CADPS2: variants seen among roughly 807,000 people sequenced by gnomAD.
The protein encoded by CADPS2 is calcium dependent secretion activator 2, also known as calcium-dependent secretion activator 2.
A neutral mutation model predicts 172.5 loss-of-function variants in CADPS2; 93 were observed. That is an observed-to-expected ratio of 0.54 (90% CI 0.46 to 0.64). The LOEUF is 0.64. Among genes scored for constraint, CADPS2 ranks in the 30% least tolerant of loss-of-function variants. CADPS2 has a pLI of 0.00. For synonymous variants in CADPS2, 546 were observed against 555.2 expected, an observed-to-expected ratio of 0.98 and a Z score of 0.23; for missense variants, 1,420 against 1,565.9, an observed-to-expected ratio of 0.91 and a Z score of 1.57.
chr7:122,535,159 G>C (rs1011394018), intron 8 of CADPS2, among the ~76,000 whole-genome samples: 1 of 152,046 alleles, frequency 6.6e-6, no homozygotes, highest in African/African-American at 2.4e-5. Flanking sequence ...AACTGACAGT[G>C]ATCACTTAAA....
intron 1 of CADPS2, among the ~76,000 whole-genome samples, chr7:122,848,701 T>G (rs760880506): frequency 6.6e-6 from 1 of 152,236 alleles, no homozygotes; most frequent in Non-Finnish European, 1.5e-5. Flanking sequence ...AATAAGTATT[T>G]CCATGTTAAT....
chr7:122,791,388 A>G (rs1240866823), intron 1 of CADPS2, among the ~76,000 whole-genome samples: 1 of 151,992 alleles, frequency 6.6e-6, no homozygotes, highest in African/African-American at 2.4e-5. Flanking sequence ...AAATATTCTA[A>G]TCTTCCATGG....
intron 1 of CADPS2, among the ~76,000 whole-genome samples, chr7:122,814,399 A>G (rs979132073): frequency 1.3e-5 from 2 of 152,244 alleles, no homozygotes; most frequent in South Asian, 2.1e-4. Flanking sequence ...CACTAGATCC[A>G]TAACATGGTT....
At chr7:122,404,384 G>T (rs541617535) in intron 20 of CADPS2, among the ~76,000 whole-genome samples, 151 of 152,246 alleles carry the variant, frequency 9.9e-4, no homozygotes, top group Non-Finnish European at 1.7e-3. Context: ...TCTTAATCCA[G>T]TCTATCATTG....
At chr7:122,681,584 A>C (rs556069876) in intron 2 of CADPS2, 1 of 1,493,258 alleles carries the variant, frequency 6.7e-7, no homozygotes, top group African/African-American at 1.4e-5. Flanking sequence ...GATCTCGTGA[A>C]GCCCGCAAGG....
chr7:122,529,848 C>G (rs1030319004), intron 8 of CADPS2, among the ~76,000 whole-genome samples: 1 of 152,030 alleles, frequency 6.6e-6, no homozygotes, highest in Non-Finnish European at 1.5e-5. Context: ...CAGGGAGATA[C>G]ATAAATAATT....
intron 8 of CADPS2, among the ~76,000 whole-genome samples, chr7:122,530,948 C>T (rs2061700676): frequency 2.0e-5 from 3 of 152,124 alleles, no homozygotes; most frequent in Admixed American, 6.5e-5. Context: ...AAAGTGTTCA[C>T]ATGTATAGAA....
At chr7:122,762,925 T>C (rs192976953) in intron 1 of CADPS2, among the ~76,000 whole-genome samples, 74 of 152,124 alleles carry the variant, frequency 4.9e-4, no homozygotes, top group East Asian at 3.5e-3. Context: ...TAGGAGGTCA[T>C]TGGGAACAGG....
rs2080168845 is a variant in CADPS2 at position 122,658,937 on chromosome 7, T to A, written c.786+4300A>T. On this transcript the variant is annotated intron_variant, in intron 3 of 29. Coordinates refer to ENST00000449022, the MANE Select transcript of CADPS2 (RefSeq NM_017954.11). The stretch of plus-strand genomic sequence containing the variant: ...AATATGTAAAAAAAAAAGTTTCTCG[T>A]ACTTATGGCTACAAGAAACACTAAA... 2.0e-5 allele frequency among the ~76,000 whole-genome samples: 3 copies of A among 152,086 alleles called. No homozygotes were observed. The South Asian group carries it at 6.2e-4, about 32-fold the overall frequency.
chr7:122,348,493 A>C (rs2151006933), intron 27 of CADPS2, among the ~76,000 whole-genome samples: 1 of 152,312 alleles, frequency 6.6e-6, no homozygotes, highest in Non-Finnish European at 1.5e-5. Context: ...GATACACTTG[A>C]TTGTTGTAAA....
intron 2 of CADPS2, among the ~76,000 whole-genome samples, chr7:122,721,496 T>C (rs913996044): frequency 1.3e-5 from 2 of 151,976 alleles, no homozygotes; most frequent in Admixed American, 6.6e-5. Context: ...CAGGAAGAAG[T>C]TGAATCTCTG....
chr7:122,385,614 G>A lies in CADPS2; in HGVS notation c.3312+1412C>T, dbSNP rs150035878. 2.7e-3 allele frequency among the ~76,000 whole-genome samples: 418 copies of A among 152,110 alleles called. 4 individuals carry two copies. Among genetic ancestry groups the A allele is most frequent in the African/African-American group, 9.6e-3 (397 of 41,516 alleles). Reference sequence around the variant, plus strand: ...ACTAGTCAATCCTTTACGCATAAAGGTTTTCTAACCTTGTACCTCAGGGAT... The same window carrying A: ...ACTAGTCAATCCTTTACGCATAAAGATTTTCTAACCTTGTACCTCAGGGAT... On this transcript the variant is annotated intron_variant, in intron 24 of 29. Coordinates refer to ENST00000449022, the MANE Select transcript of CADPS2 (RefSeq NM_017954.11).
chr7:122,437,255 C>T (rs1385462915), intron 17 of CADPS2, among the ~76,000 whole-genome samples: 1 of 152,002 alleles, frequency 6.6e-6, no homozygotes, highest in Non-Finnish European at 1.5e-5. Flanking sequence ...AAGGAGGTTT[C>T]ATGTTGTTAC....
chr7:122,645,205 T>C lies in CADPS2; in HGVS notation c.787-15877A>G, dbSNP rs572134213. 1.2e-3 allele frequency among the ~76,000 whole-genome samples: 158 copies of C among 135,886 alleles called. 3 individuals are homozygous for C. In the South Asian group the frequency reaches 0.036, roughly 31 times the overall value. 89.1% of individuals were successfully genotyped at this position (135,886 alleles called of 152,430 possible). A position where few individuals can be genotyped will look rare whatever the true frequency, so the allele number is the denominator to read the frequency against. ...AAGTATATATATACACATATATGTA[T>C]ATACATAAGTATATATATACGCTAA... On this transcript the variant is annotated intron_variant, in intron 3 of 29. Coordinates refer to ENST00000449022, the MANE Select transcript of CADPS2 (RefSeq NM_017954.11).
intron 20 of CADPS2, among the ~76,000 whole-genome samples, chr7:122,401,879 A>G (rs1365883102): frequency 6.6e-6 from 1 of 152,062 alleles, no homozygotes; most frequent in Non-Finnish European, 1.5e-5. Context: ...GACAGTTGCT[A>G]AAATTGTGGT....
chr7:122,395,846 G>A (rs1026122425), intron 20 of CADPS2, among the ~76,000 whole-genome samples: 16 of 145,862 alleles, frequency 1.1e-4, no homozygotes, highest in Admixed American at 1.0e-3. Flanking sequence ...TCTTGCTATT[G>A]TTGCCCAGGC....
At chr7:122,453,093 G>A (rs2053337765) in intron 14 of CADPS2, among the ~76,000 whole-genome samples, 1 of 151,934 alleles carries the variant, frequency 6.6e-6, no homozygotes, top group Admixed American at 6.6e-5. Context: ...TTTATGCTTT[G>A]AAAACATTTC....
chr7:122,337,136 G>A (rs1000483741), intron 28 of CADPS2, among the ~76,000 whole-genome samples: 1 of 152,152 alleles, frequency 6.6e-6, no homozygotes, highest in Non-Finnish European at 1.5e-5. Context: ...GCCCCAAGCT[G>A]CGGTAAGTAG....
intron 1 of CADPS2, among the ~76,000 whole-genome samples, chr7:122,796,510 AAC>A (rs1174668675): frequency 6.6e-6 from 1 of 152,186 alleles, no homozygotes; most frequent in Non-Finnish European, 1.5e-5. Flanking sequence ...CTGGTATAAA[AAC>A]AGATACATAA....
Sources: gnomAD v4.1 joint callset for allele counts (sites outside exome capture counted in the v4.1 genomes callset) on GRCh38, gnomAD v4.1.1 for gene constraint, MANE v1.5 for transcripts, NCBI Gene and HGNC (gene_info 2026-07-23, HGNC 2026-07-21) for gene names.